STAG1: variants seen among roughly 807,000 people sequenced by gnomAD.
The protein encoded by STAG1 is cohesin subunit SA-1.
A neutral mutation model predicts 170.9 loss-of-function variants in STAG1; 26 were observed. That is an observed-to-expected ratio of 0.15 (90% CI 0.11 to 0.21). The LOEUF is 0.21. STAG1 is among the 10% of genes least tolerant of loss of function. The pLI, the probability that STAG1 is intolerant of heterozygous loss-of-function variation, is 1.00. For missense variants in STAG1, 964 were observed against 1,509.5 expected, an observed-to-expected ratio of 0.64 and a Z score of 5.99; for synonymous variants, 514 against 497.7, an observed-to-expected ratio of 1.03 and a Z score of -0.44.
rs113289999 is a variant in STAG1, at chr3:136,588,192, T to C, written c.297+16117A>G. ...GGGGAGGGTAATCAATCAGTAGATA[T>C]ATACAAATATACACATGGCTGGTCT... On this transcript the variant is annotated intron_variant, in intron 4 of 33. Coordinates refer to ENST00000383202, the MANE Select transcript of STAG1 (RefSeq NM_005862.3). Among the ~76,000 whole-genome samples, 32 of 152,294 alleles carry C rather than the reference T, an allele frequency of 2.1e-4. 1 individual carries two copies. The highest frequency in any genetic ancestry group is 7.7e-4 in the African/African-American group (32 of 41,568).
intron 7 of STAG1, among the ~76,000 whole-genome samples, chr3:136,514,454 A>G (rs1188197515): frequency 6.6e-6 from 1 of 152,210 alleles, no homozygotes; most frequent in African/African-American, 2.4e-5. Flanking sequence ...ATGCTTTTAC[A>G]CTGTAAGTGG....
In STAG1 at chr3:136,686,813, C is replaced by T. The variant is rs373888899; in HGVS notation, c.-83-55832G>A. 9.9e-5 allele frequency among the ~76,000 whole-genome samples: 15 copies of T among 152,256 alleles called. No individual in the cohort carries two copies. In the South Asian group the frequency reaches 3.1e-3, roughly 32 times the overall value. On this transcript the variant is annotated intron_variant, in intron 1 of 33. Transcript: ENST00000383202. ...GTGTAGTAAGTAGAGGCAGCAAATG[C>T]ATAAATGCCTCCTTGTTCAGCTACT...
intron 3 of STAG1, among the ~76,000 whole-genome samples, chr3:136,615,994 C>T (rs1239540507): frequency 2.0e-5 from 3 of 151,582 alleles, no homozygotes; most frequent in Admixed American, 6.6e-5. Context: ...AGACGCTGGG[C>T]GCAGTGGCTC....
chr3:136,712,469 TTAAAAA>T (rs1257953487), intron 1 of STAG1, among the ~76,000 whole-genome samples: 3 of 152,074 alleles, frequency 2.0e-5, no homozygotes, highest in Non-Finnish European at 2.9e-5. Context: ...TATGCATTAA[TTAAAAA>T]TAAAAATAGA....
At chr3:136,637,377 T>C (rs1336788295) in intron 1 of STAG1, among the ~76,000 whole-genome samples, 1 of 152,152 alleles carries the variant, frequency 6.6e-6, no homozygotes, top group Non-Finnish European at 1.5e-5. Context: ...AATATCAGCC[T>C]AGAAACTCTC....
In STAG1 at chr3:136,671,661, T is replaced by C. The variant is rs549549540; in HGVS notation, c.-83-40680A>G. ...CCTGTAATCCCAGCACTGTGGGAGG[T>C]AGGTGGATGACTTGAGCCCAGAAGT... On this transcript the variant is annotated intron_variant, in intron 1 of 33. Transcript: ENST00000383202. Among the ~76,000 whole-genome samples the C allele has an allele frequency of 5.2e-4, 79 of 151,894 alleles. 1 individual carries two copies. Among genetic ancestry groups the C allele is most frequent in the African/African-American group, 1.9e-3 (77 of 41,408 alleles).
At chr3:136,386,436 A>T (rs886508858) in intron 22 of STAG1, among the ~76,000 whole-genome samples, 3 of 152,224 alleles carry the variant, frequency 2.0e-5, no homozygotes, top group African/African-American at 7.2e-5. Flanking sequence ...TGGTGAATTT[A>T]TCATATAAGC....
chr3:136,721,936 A>G (rs1933300957), intron 1 of STAG1, among the ~76,000 whole-genome samples: 1 of 150,864 alleles, frequency 6.6e-6, no homozygotes, highest in Admixed American at 6.6e-5. Flanking sequence ...AAATTACACT[A>G]TGGGGCTAGG....
At chr3:136,371,361 T>G (rs955999357) in intron 23 of STAG1, among the ~76,000 whole-genome samples, 12 of 152,190 alleles carry the variant, frequency 7.9e-5, no homozygotes, top group Non-Finnish European at 1.2e-4. Flanking sequence ...TTAGTTTAAT[T>G]AGATCCCATT....
In STAG1 at chr3:136,688,785, C is replaced by T. The variant is rs781576970; in HGVS notation, c.-83-57804G>A. ...ACTCTGACTAAAAAAGCAGAGTGAC[C>T]TAAATGTACAAAACAGCCTGTGATT... is the stretch of plus-strand genomic sequence containing the variant. On this transcript the variant is annotated intron_variant, in intron 1 of 33. Coordinates refer to ENST00000383202, the MANE Select transcript of STAG1 (RefSeq NM_005862.3). Among the ~76,000 whole-genome samples, 21 of 152,170 alleles carry T rather than the reference C, an allele frequency of 1.4e-4. 1 individual carries two copies. Among genetic ancestry groups the T allele is most frequent in the African/African-American group, 9.7e-5 (4 of 41,432 alleles).
chr3:136,466,391 G>A (rs1174473215), intron 12 of STAG1, among the ~76,000 whole-genome samples: 1 of 152,182 alleles, frequency 6.6e-6, no homozygotes, highest in Non-Finnish European at 1.5e-5. Context: ...TCAACTGGAA[G>A]AAAGGGTATC....
chr3:136,471,336 T>C (rs537606951), intron 12 of STAG1, among the ~76,000 whole-genome samples: 129 of 152,286 alleles, frequency 8.5e-4, no homozygotes, highest in Non-Finnish European at 1.4e-3. Context: ...AGTTCTAATA[T>C]TCAAAATTCC....
At chr3:136,747,285 AAAG>A (rs1934989897) in intron 1 of STAG1, among the ~76,000 whole-genome samples, 1 of 151,574 alleles carries the variant, frequency 6.6e-6, no homozygotes, top group South Asian at 2.1e-4. Context: ...AAAAAAAAAA[AAAG>A]AATTCTCTCC....
intron 13 of STAG1, among the ~76,000 whole-genome samples, chr3:136,461,549 G>C (rs189329488): frequency 7.0e-6 from 1 of 142,614 alleles, no homozygotes; most frequent in East Asian, 2.1e-4. Flanking sequence ...AAGAAGTCAA[G>C]AAGTCAATCC....
At chr3:136,631,253 C>A (rs893433466) in intron 1 of STAG1, among the ~76,000 whole-genome samples, 1 of 152,162 alleles carries the variant, frequency 6.6e-6, no homozygotes, top group East Asian at 1.9e-4. Context: ...GCTTGAGAGC[C>A]TTGAAAAGGC....
At chr3:136,343,803 T>C in intron 30 of STAG1, 29 bp downstream of exon 30, 1 of 1,495,854 alleles carries the variant, frequency 6.7e-7, no homozygotes, top group Non-Finnish European at 8.9e-7. Flanking sequence ...AAAGGCTTTT[T>C]GTGAAAAAGA....
At chr3:136,682,446 AATAT>A (rs35792608) in intron 1 of STAG1, among the ~76,000 whole-genome samples, 1 of 146,328 alleles carries the variant, frequency 6.8e-6, no homozygotes. Context: ...AAAAAAATAA[AATAT>A]ATATATATAT....
chr3:136,592,226 G>C (rs1298396496), intron 4 of STAG1, among the ~76,000 whole-genome samples: 1 of 152,086 alleles, frequency 6.6e-6, no homozygotes, highest in Non-Finnish European at 1.5e-5. Context: ...ATTTTGAATT[G>C]TAATTCCCAT....
In STAG1 at chr3:136,581,939, CTA is replaced by C. The variant is rs1169826156; in HGVS notation, c.298-13080_298-13079del. Among the ~76,000 whole-genome samples the C allele has an allele frequency of 3.3e-5, 5 of 152,096 alleles. No homozygotes were observed. In the East Asian group the frequency reaches 5.8e-4, roughly 18 times the overall value. On this transcript the variant is annotated intron_variant, in intron 4 of 33. Coordinates refer to ENST00000383202, the MANE Select transcript of STAG1 (RefSeq NM_005862.3). ...GGAACCAAAATCTTAAAAATTATGA[CTA>C]TGTGTGATACTTTCTTCTCTTCCTT...
Sources: gnomAD v4.1 joint callset for allele counts (sites outside exome capture counted in the v4.1 genomes callset) on GRCh38, gnomAD v4.1.1 for gene constraint, MANE v1.5 for transcripts, NCBI Gene and HGNC (gene_info 2026-07-23, HGNC 2026-07-21) for gene names.